Variants in EIF2AK2 observed in about 807,000 individuals in gnomAD.
EIF2AK2 encodes the protein interferon-induced, double-stranded RNA-activated protein kinase.
Under a neutral mutation model 70.5 loss-of-function variants are expected in EIF2AK2, and 40 were observed. The observed-to-expected ratio is 0.57, with a 90% confidence interval of 0.44 to 0.74. The LOEUF is 0.74. Ranked by LOEUF, EIF2AK2 falls within the 30% of genes least tolerant of loss-of-function variation. EIF2AK2 has a pLI of 0.00. For synonymous variants in EIF2AK2, 198 were observed against 220.9 expected, an observed-to-expected ratio of 0.90 and a Z score of 0.92; for missense variants, 555 against 644.3, an observed-to-expected ratio of 0.86 and a Z score of 1.50.
At chr2:37,109,328 T>C (rs763470155) in intron 14 of EIF2AK2, 33 bp from the exon 15 acceptor site, 8 of 1,584,590 alleles carry the variant, frequency 5.0e-6, no homozygotes, top group Admixed American at 1.7e-5. Flanking sequence ...ACCTTTGTTA[T>C]GCTCCTTACA....
intron 13 of EIF2AK2, among the ~76,000 whole-genome samples, chr2:37,116,976 C>T (rs935387412): frequency 5.9e-5 from 9 of 152,134 alleles, no homozygotes; most frequent in African/African-American, 2.2e-4. Context: ...CTTTGGGAGG[C>T]TGAAGCGGGC....
intron 1 of EIF2AK2, among the ~76,000 whole-genome samples, chr2:37,149,628 G>C (rs1212613347): frequency 1.3e-5 from 2 of 152,130 alleles, no homozygotes; most frequent in African/African-American, 4.8e-5. Context: ...GGAAGGAAAG[G>C]AAACTGGTAA....
chr2:37,111,955 A>G (rs1280721330), intron 14 of EIF2AK2, among the ~76,000 whole-genome samples: 1 of 141,232 alleles, frequency 7.1e-6, no homozygotes, highest in Non-Finnish European at 1.5e-5. Context: ...ATATATATAT[A>G]TAGATTTTGA....
rs535411902 is a variant in EIF2AK2, at chr2:37,105,729, G to C, written c.*1544C>G. On this transcript the variant is annotated 3_prime_UTR_variant, in exon 17 of 17. Transcript: ENST00000233057. ...AATTATCTTCTCTACAGCAATTCAG[G>C]ACAACAAACTAGCATACCCCATGTT... 2 of 152,116 alleles carry C rather than the reference G, an allele frequency of 1.3e-5. No individual in the cohort carries two copies. The highest frequency in any genetic ancestry group is 2.9e-5 in the Non-Finnish European group (2 of 68,056). 9.4% of individuals were successfully genotyped at this position (152,116 alleles called of 1,614,324 possible). A position where few individuals can be genotyped will look rare whatever the true frequency, so the allele number is the denominator to read the frequency against.
chr2:37,133,218 C>T (rs755307334), intron 10 of EIF2AK2, among the ~76,000 whole-genome samples: 4 of 152,118 alleles, frequency 2.6e-5, no homozygotes, highest in Non-Finnish European at 5.9e-5. Context: ...CCTAAAAATT[C>T]GGGCACTCTC....
intron 10 of EIF2AK2, among the ~76,000 whole-genome samples, chr2:37,128,386 T>A (rs1674818911): frequency 6.6e-6 from 1 of 152,204 alleles, no homozygotes; most frequent in African/African-American, 2.4e-5. Flanking sequence ...GTATTTTTTT[T>A]AATCACTGAT....
chr2:37,107,818 T>C (rs1037942363), intron 15 of EIF2AK2, among the ~76,000 whole-genome samples: 3 of 152,118 alleles, frequency 2.0e-5, no homozygotes, highest in African/African-American at 7.2e-5. Context: ...ATAAGGTTAT[T>C]GACTCCAGGA....
At chr2:37,143,587 A>G (rs190981726) in intron 4 of EIF2AK2, among the ~76,000 whole-genome samples, 217 of 152,304 alleles carry the variant, frequency 1.4e-3, no homozygotes, top group Non-Finnish European at 2.4e-3. Flanking sequence ...ACAATACAGC[A>G]TAACAACTAC....
At chr2:37,132,158 C>T (rs769754436) in intron 10 of EIF2AK2, among the ~76,000 whole-genome samples, 2 of 152,126 alleles carry the variant, frequency 1.3e-5, no homozygotes, top group Non-Finnish European at 2.9e-5. Context: ...ACCAACCATC[C>T]AATTCTCTAG....
chr2:37,118,500 T>C (rs571960854), intron 13 of EIF2AK2, among the ~76,000 whole-genome samples: 1 of 152,216 alleles, frequency 6.6e-6, no homozygotes, highest in Non-Finnish European at 1.5e-5. Flanking sequence ...TGCTAATTCA[T>C]TCTGAGGACT....
chr2:37,116,015 G>C (rs1374565826), intron 13 of EIF2AK2, among the ~76,000 whole-genome samples: 1 of 152,022 alleles, frequency 6.6e-6, no homozygotes, highest in Non-Finnish European at 1.5e-5. Context: ...TCCTGCCTCA[G>C]CCTCCCGAGG....
chr2:37,112,010 A>G (rs766135821), intron 14 of EIF2AK2, among the ~76,000 whole-genome samples: 50 of 148,924 alleles, frequency 3.4e-4, no homozygotes, highest in Non-Finnish European at 3.0e-4. Context: ...ATTGCCCCCA[A>G]TGCTGCACTG....
intron 14 of EIF2AK2, among the ~76,000 whole-genome samples, chr2:37,113,015 G>A (rs1009355827): frequency 2.6e-5 from 4 of 152,190 alleles, no homozygotes; most frequent in African/African-American, 9.7e-5. Flanking sequence ...ACGTAGTGAT[G>A]AAGCAACTGC....
At position 37,106,251 on chromosome 2, in the gene EIF2AK2, A is replaced by G. The variant is rs1044005039; in HGVS notation, c.*1022T>C. ...TTATATAAATGGAATTATTCTGCAT[A>G]TATTTTCTGAAAACCTGCTTTGTTC... is the stretch of plus-strand genomic sequence containing the variant. On this transcript the variant is annotated 3_prime_UTR_variant, in exon 17 of 17. Coordinates refer to ENST00000233057, the MANE Select transcript of EIF2AK2 (RefSeq NM_001135651.3). 1.2e-4 allele frequency: 19 copies of G among 152,154 alleles called. No individual in the cohort carries two copies. Among genetic ancestry groups the G allele is most frequent in the African/African-American group, 4.1e-4 (17 of 41,432 alleles). 9.4% of individuals were successfully genotyped at this position (152,154 alleles called of 1,614,324 possible).
At position 37,103,855 on chromosome 2, in the gene EIF2AK2, T is replaced by C. The variant is rs1475781751; in HGVS notation, c.*3418A>G. 3 of 152,108 alleles carry C rather than the reference T, an allele frequency of 2.0e-5. No homozygotes were observed. The highest frequency in any genetic ancestry group is 4.4e-5 in the Non-Finnish European group (3 of 67,986). 9.4% of individuals were successfully genotyped at this position (152,108 alleles called of 1,614,324 possible). A position where few individuals can be genotyped will look rare whatever the true frequency, so the allele number is the denominator to read the frequency against. On this transcript the variant is annotated 3_prime_UTR_variant, in exon 17 of 17. Transcript: ENST00000233057. ...GCATGCATTGCCTAAAAAAACATTT[T>C]TGGCTGGGTGCAGTGACTCATGCCT...
chr2:37,117,247 A>G (rs1250537093), intron 13 of EIF2AK2, among the ~76,000 whole-genome samples: 2 of 150,358 alleles, frequency 1.3e-5, no homozygotes, highest in African/African-American at 4.9e-5. Context: ...AAAAAAGAAA[A>G]GAAAAAGAAG....
At chr2:37,116,880 C>T (rs1674361495) in intron 13 of EIF2AK2, among the ~76,000 whole-genome samples, 1 of 152,094 alleles carries the variant, frequency 6.6e-6, no homozygotes, top group South Asian at 2.1e-4. Context: ...ATGAGGCTAT[C>T]TAGTGAAAAT....
At chr2:37,118,651 A>G (rs1674429980) in intron 13 of EIF2AK2, among the ~76,000 whole-genome samples, 1 of 152,254 alleles carries the variant, frequency 6.6e-6, no homozygotes, top group African/African-American at 2.4e-5. Flanking sequence ...CTTTTGAAAT[A>G]GTTCTGACAA....
intron 4 of EIF2AK2, among the ~76,000 whole-genome samples, chr2:37,145,258 TC>T (rs984949822): frequency 4.7e-5 from 7 of 149,700 alleles, no homozygotes; most frequent in Admixed American, 4.0e-4. Flanking sequence ...TTCTCCTGCC[TC>T]AGCCTCCCAA....
Sources: allele counts gnomAD v4.1 joint callset (sites outside exome capture counted in the v4.1 genomes callset), GRCh38; gene constraint gnomAD v4.1.1; transcripts MANE v1.5; gene names NCBI Gene and HGNC (gene_info 2026-07-23, HGNC 2026-07-21).